RARB: variants seen among roughly 807,000 people sequenced by gnomAD.
RARB encodes the protein retinoic acid receptor beta, also known as HBV-activated protein.
A neutral mutation model predicts 51.9 loss-of-function variants in RARB; 17 were observed. That is an observed-to-expected ratio of 0.33 (90% CI 0.22 to 0.49). The LOEUF (loss-of-function observed/expected upper bound fraction) is 0.49, where lower values mean the gene tolerates loss of function less well. Ranked by LOEUF, RARB falls within the 20% of genes least tolerant of loss-of-function variation. RARB has a pLI of 0.99. For synonymous variants in RARB, 215 were observed against 195.4 expected (o/e 1.10, Z -0.84); for missense variants, 369 against 550.8 (o/e 0.67, Z 3.30).
chr3:25,118,259 G>T (rs1699723997), intron 3 of RARB, among the ~76,000 whole-genome samples: 1 of 152,004 alleles, frequency 6.6e-6, no homozygotes. Flanking sequence ...CATCTACCAA[G>T]ATAAAATTAA....
chr3:25,539,963 A>T (rs1484811778), intron 3 of RARB, among the ~76,000 whole-genome samples: 2 of 152,150 alleles, frequency 1.3e-5, no homozygotes, highest in Non-Finnish European at 2.9e-5. Flanking sequence ...CAAACCCCAC[A>T]TATACAAAGG....
At chr3:24,871,131 C>A (rs771067675) in intron 2 of RARB, among the ~76,000 whole-genome samples, 1 of 152,032 alleles carries the variant, frequency 6.6e-6, no homozygotes, top group East Asian at 1.9e-4. Flanking sequence ...ATGTTGATGA[C>A]CAACCTTGTC....
intron 2 of RARB, among the ~76,000 whole-genome samples, chr3:25,471,709 T>C (rs1345769428): frequency 1.3e-5 from 2 of 151,786 alleles, no homozygotes; most frequent in East Asian, 1.9e-4. Context: ...CTTGTGTAGA[T>C]GCTTACTTTG....
intron 3 of RARB, among the ~76,000 whole-genome samples, chr3:25,524,614 C>T (rs1462710494): frequency 5.3e-5 from 8 of 150,600 alleles, no homozygotes; most frequent in Non-Finnish European, 1.2e-4. Context: ...TCCCCCCTCC[C>T]TTCCTCCCTC....
chr3:25,570,812 A>G (rs1381674729), intron 4 of RARB, among the ~76,000 whole-genome samples: 2 of 152,224 alleles, frequency 1.3e-5, no homozygotes, highest in Non-Finnish European at 2.9e-5. Context: ...CTCACCTACA[A>G]TGCTATGGTA....
At chr3:24,868,072 G>A (rs74810292) in intron 2 of RARB, among the ~76,000 whole-genome samples, 4 of 152,146 alleles carry the variant, frequency 2.6e-5, no homozygotes. Flanking sequence ...TGATATCCGA[G>A]TTGTAAGAAC....
chr3:25,593,378 G>A (rs1701689563), intron 5 of RARB, 125 bp from the exon 6 acceptor site: 1 of 859,762 alleles, frequency 1.2e-6, no homozygotes, highest in Non-Finnish European at 1.8e-6. Flanking sequence ...CATTCAACAT[G>A]TGAAAGGGGG....
intron 4 of RARB, among the ~76,000 whole-genome samples, chr3:25,160,608 A>T (rs1700458582): frequency 1.3e-5 from 2 of 152,238 alleles, no homozygotes; most frequent in Admixed American, 1.3e-4. Context: ...GCTCTTGATT[A>T]GGTCCTCTAA....
chr3:24,944,662 G>C (rs1028060013), intron 2 of RARB, among the ~76,000 whole-genome samples: 1 of 152,144 alleles, frequency 6.6e-6, no homozygotes, highest in Non-Finnish European at 1.5e-5. Flanking sequence ...TCAAATTTGG[G>C]TCTCTATATA....
At chr3:25,302,366 A>T (rs182166201) in intron 5 of RARB, among the ~76,000 whole-genome samples, 2 of 152,350 alleles carry the variant, frequency 1.3e-5, no homozygotes, top group East Asian at 3.9e-4. Context: ...TAACCCAAAT[A>T]TTCAACTGAT....
At chr3:24,992,334 A>G (rs1026573439) in intron 2 of RARB, among the ~76,000 whole-genome samples, 3 of 152,140 alleles carry the variant, frequency 2.0e-5, no homozygotes, top group Non-Finnish European at 4.4e-5. Flanking sequence ...TGACGTCATG[A>G]TTATTATAAA....
At position 25,597,785 on chromosome 3, in the gene RARB, T is replaced by TTTGA. The variant is rs972566276; in HGVS notation, c.*1171_*1174dup. ...TTAAGCACTAGTGGAATTTTTTTTTTTTGATATATTAGCAAGTCTGTGATG... is the reference window on the plus strand; with the variant it reads ...TTAAGCACTAGTGGAATTTTTTTTTTTTGATTGATATATTAGCAAGTCTGTGATG... On this transcript the variant is annotated 3_prime_UTR_variant, in exon 8 of 8. Transcript: ENST00000330688. The TTTGA allele has an allele frequency of 2.0e-5, 3 of 152,402 alleles. No homozygotes were observed. Among genetic ancestry groups the TTTGA allele is most frequent in the South Asian group, 2.1e-4 (1 of 4,826 alleles). 9.4% of individuals were successfully genotyped at this position (152,402 alleles called of 1,614,324 possible). A position where few individuals can be genotyped will look rare whatever the true frequency, so the allele number is the denominator to read the frequency against.
At chr3:24,966,787 A>T (rs925458587) in intron 2 of RARB, among the ~76,000 whole-genome samples, 2 of 152,222 alleles carry the variant, frequency 1.3e-5, no homozygotes, top group Admixed American at 6.5e-5. Flanking sequence ...TCTGGTTATC[A>T]GCATGAATTC....
chr3:25,400,994 C>T (rs191778275), intron 5 of RARB, among the ~76,000 whole-genome samples: 1 of 152,222 alleles, frequency 6.6e-6, no homozygotes, highest in Non-Finnish European at 1.5e-5. Flanking sequence ...AAAGGAAATG[C>T]AAAACTCATG....
chr3:24,890,191 G>T (rs1361388967), intron 2 of RARB, among the ~76,000 whole-genome samples: 1 of 152,128 alleles, frequency 6.6e-6, no homozygotes, highest in South Asian at 2.1e-4. Flanking sequence ...GTCTTTAAAA[G>T]TTGCCTTGCT....
chr3:25,079,048 G>GT (rs113963226), intron 3 of RARB, among the ~76,000 whole-genome samples: 16,516 of 148,434 alleles, frequency 0.11, 1,974 homozygotes, highest in African/African-American at 0.3. Flanking sequence ...ATTTATGTAG[G>GT]TTTTTTTTTT....
intron 4 of RARB, among the ~76,000 whole-genome samples, chr3:25,162,891 G>A (rs1700495153): frequency 6.6e-6 from 1 of 152,136 alleles, no homozygotes; most frequent in Admixed American, 6.5e-5. Context: ...ATTTGTGTAC[G>A]AGGTTTTATG....
intron 2 of RARB, among the ~76,000 whole-genome samples, chr3:25,022,486 A>T (rs1026683518): frequency 2.6e-5 from 4 of 152,140 alleles, no homozygotes; most frequent in Non-Finnish European, 4.4e-5. Flanking sequence ...CTAATTTTTT[A>T]AATTTTTCTA....
intron 2 of RARB, among the ~76,000 whole-genome samples, chr3:24,888,144 C>A (rs1450193923): frequency 2.0e-5 from 3 of 152,192 alleles, no homozygotes; most frequent in African/African-American, 7.2e-5. Context: ...TAGCCAGATA[C>A]AGCCCTTTTC....
Sources: allele counts gnomAD v4.1 joint callset (sites outside exome capture counted in the v4.1 genomes callset), GRCh38; gene constraint gnomAD v4.1.1; transcripts MANE v1.5; gene names NCBI Gene and HGNC (gene_info 2026-07-23, HGNC 2026-07-21).